The following GUCY1A2 variants were observed in gnomAD, a reference collection of about 807,000 sequenced individuals.
The protein encoded by GUCY1A2 is guanylate cyclase 1 soluble subunit alpha 2.
Under a neutral mutation model 63.5 loss-of-function variants are expected in GUCY1A2, and 27 were observed. The observed-to-expected ratio is 0.43, with a 90% CI of 0.31 to 0.59. GUCY1A2 has a LOEUF of 0.59. Ranked by LOEUF, GUCY1A2 falls within the 20% of genes least tolerant of loss-of-function variation. The pLI is 0.11. For synonymous variants in GUCY1A2, 364 were observed against 343.5 expected (o/e 1.06, Z -0.66); for missense variants, 768 against 913.3 (o/e 0.84, Z 2.05).
chr11:106,764,196 T>C (rs1207913322), intron 6 of GUCY1A2, among the ~76,000 whole-genome samples: 1 of 152,162 alleles, frequency 6.6e-6, no homozygotes, highest in Non-Finnish European at 1.5e-5. Context: ...TGAGTTTGCC[T>C]TGAGTTAGAA....
intron 7 of GUCY1A2, among the ~76,000 whole-genome samples, chr11:106,689,203 G>A (rs1862579040): frequency 6.6e-6 from 1 of 151,926 alleles, no homozygotes; most frequent in African/African-American, 2.4e-5. Context: ...TGCTATTAAT[G>A]GATAGAAAAT....
rs114733677 is a variant in GUCY1A2, at chr11:106,904,253, G to C, written c.1206+35207C>G. 2.8e-3 allele frequency among the ~76,000 whole-genome samples: 424 copies of C among 152,154 alleles called. 1 individual carries two copies. The highest frequency in any genetic ancestry group is 9.6e-3 in the African/African-American group (399 of 41,528). On this transcript the variant is annotated intron_variant, in intron 4 of 7. Transcript: ENST00000526355. ...AGCAGCAAAATATATATAGGACTTGGCCTGTATCTCATCCAAAATGGAGAT... is the reference window on the plus strand; with the variant it reads ...AGCAGCAAAATATATATAGGACTTGCCCTGTATCTCATCCAAAATGGAGAT...
intron 1 of GUCY1A2, among the ~76,000 whole-genome samples, chr11:107,007,039 G>A (rs879111423): frequency 7.2e-5 from 11 of 152,010 alleles, no homozygotes; most frequent in Non-Finnish European, 1.0e-4. Flanking sequence ...TCTAAAACCC[G>A]TAGACTGTCT....
intron 6 of GUCY1A2, among the ~76,000 whole-genome samples, chr11:106,721,399 A>G (rs1271626854): frequency 6.6e-6 from 1 of 152,190 alleles, no homozygotes; most frequent in African/African-American, 2.4e-5. Flanking sequence ...TCTTATCTTC[A>G]AATTCAGACA....
intron 1 of GUCY1A2, among the ~76,000 whole-genome samples, chr11:107,010,219 T>C (rs1404155396): frequency 6.6e-6 from 1 of 152,142 alleles, no homozygotes; most frequent in African/African-American, 2.4e-5. Flanking sequence ...TAGCCCTCAA[T>C]GTTATGAGGT....
At chr11:106,904,285 C>T (rs911147071) in intron 4 of GUCY1A2, among the ~76,000 whole-genome samples, 3 of 152,068 alleles carry the variant, frequency 2.0e-5, no homozygotes, top group Non-Finnish European at 4.4e-5. Context: ...AGATAAGTAA[C>T]ATACTGAAAG....
intron 3 of GUCY1A2, among the ~76,000 whole-genome samples, chr11:106,954,894 T>G (rs1183050192): frequency 6.6e-6 from 1 of 152,168 alleles, no homozygotes; most frequent in African/African-American, 2.4e-5. Context: ...TGAGGCTGTG[T>G]GTGTCTTTGC....
At chr11:106,982,967 C>A (rs1861357030) in intron 2 of GUCY1A2, among the ~76,000 whole-genome samples, 1 of 152,148 alleles carries the variant, frequency 6.6e-6, no homozygotes. Flanking sequence ...ACAGAAATGC[C>A]AGTTTCTTGA....
intron 6 of GUCY1A2, among the ~76,000 whole-genome samples, chr11:106,771,476 G>C (rs1864252977): frequency 6.6e-6 from 1 of 152,152 alleles, no homozygotes; most frequent in African/African-American, 2.4e-5. Flanking sequence ...GTCCTGGCAT[G>C]GTGGCTCATG....
In GUCY1A2 at chr11:106,759,177, A is replaced by G. The variant is rs567117798; in HGVS notation, c.1836+17262T>C. Among the ~76,000 whole-genome samples the G allele has an allele frequency of 2.0e-5, 3 of 152,154 alleles. No homozygotes were observed. In the South Asian group the frequency reaches 6.2e-4, roughly 32 times the overall value. ...AAAGTTGAAATTATTGAAAAAAAAA[A>G]AAGCAAGTATTTGCAACAGTCATAG... On this transcript the variant is annotated intron_variant, in intron 6 of 7. Transcript: ENST00000526355.
chr11:106,893,065 T>C (rs1859996420), intron 4 of GUCY1A2, among the ~76,000 whole-genome samples: 1 of 152,182 alleles, frequency 6.6e-6, no homozygotes, highest in African/African-American at 2.4e-5. Flanking sequence ...TAGGAAAATC[T>C]TCTTCCCAAA....
intron 6 of GUCY1A2, among the ~76,000 whole-genome samples, chr11:106,726,977 T>C (rs1863419437): frequency 6.6e-6 from 1 of 152,194 alleles, no homozygotes; most frequent in African/African-American, 2.4e-5. Flanking sequence ...TGGAACTGAA[T>C]ATTTAAAAGA....
intron 4 of GUCY1A2, among the ~76,000 whole-genome samples, chr11:106,900,836 C>A (rs747105694): frequency 6.6e-6 from 1 of 152,122 alleles, no homozygotes; most frequent in African/African-American, 2.4e-5. Context: ...TGCTTTATTG[C>A]TAAAAATGCT....
At chr11:106,830,802 C>T (rs1477123094) in intron 4 of GUCY1A2, among the ~76,000 whole-genome samples, 2 of 152,110 alleles carry the variant, frequency 1.3e-5, no homozygotes, top group Admixed American at 1.3e-4. Flanking sequence ...CTGACTAGTA[C>T]AATGAAGTTT....
intron 3 of GUCY1A2, among the ~76,000 whole-genome samples, chr11:106,951,912 T>C (rs1223909825): frequency 6.6e-6 from 1 of 152,212 alleles, no homozygotes; most frequent in Non-Finnish European, 1.5e-5. Context: ...TTAATTTTTG[T>C]ATAAGGTGTA....
intron 6 of GUCY1A2, among the ~76,000 whole-genome samples, chr11:106,710,890 A>T (rs1375381426): frequency 1.3e-5 from 2 of 151,852 alleles, no homozygotes; most frequent in East Asian, 3.9e-4. Flanking sequence ...TCTCTTTGCC[A>T]CTCTGGTTGT....
intron 4 of GUCY1A2, among the ~76,000 whole-genome samples, chr11:106,924,682 C>A (rs1328650838): frequency 6.6e-6 from 1 of 152,106 alleles, no homozygotes; most frequent in Non-Finnish European, 1.5e-5. Flanking sequence ...AAAATGTTTA[C>A]AAGAGGGCCT....
chr11:107,015,130 A>G (rs1350502013), intron 1 of GUCY1A2, among the ~76,000 whole-genome samples: 2 of 152,314 alleles, frequency 1.3e-5, no homozygotes, highest in Non-Finnish European at 2.9e-5. Context: ...CACTAAGTCT[A>G]TTGATGATAT....
intron 4 of GUCY1A2, 138 bp downstream of exon 4, chr11:106,939,322 T>C: frequency 1.7e-6 from 1 of 605,238 alleles, no homozygotes; most frequent in South Asian, 2.6e-5. Context: ...TTTACATACA[T>C]CCAGGGACCA....
Sources: allele counts gnomAD v4.1 joint callset (sites outside exome capture counted in the v4.1 genomes callset), GRCh38; gene constraint gnomAD v4.1.1; transcripts MANE v1.5; gene names NCBI Gene and HGNC (gene_info 2026-07-23, HGNC 2026-07-21).